The following VWA8 variants were observed in gnomAD, a reference collection of about 807,000 sequenced individuals.
The protein encoded by VWA8 is von Willebrand factor A domain containing 8.
Under a neutral mutation model 241.5 loss-of-function variants are expected in VWA8, and 221 were observed. The observed-to-expected ratio is 0.91, with a 90% CI of 0.82 to 1.02. VWA8 has a LOEUF of 1.02. Ranked by LOEUF, VWA8 falls within the 50% of genes least tolerant of loss-of-function variation. The pLI, the probability that VWA8 is intolerant of heterozygous loss-of-function variation, is 0.00. For synonymous variants in VWA8, 852 were observed against 827.1 expected, an observed-to-expected ratio of 1.03 and a Z score of -0.52; for missense variants, 2,322 against 2,328.7, an observed-to-expected ratio of 1.00 and a Z score of 0.06.
intron 42 of VWA8, among the ~76,000 whole-genome samples, chr13:41,579,893 CT>C (rs2044371562): frequency 6.6e-6 from 1 of 152,094 alleles, no homozygotes; most frequent in Admixed American, 6.5e-5. Flanking sequence ...ATTGGCCAGA[CT>C]GGAATGCACT....
chr13:41,618,131 C>T (rs1466285151), intron 37 of VWA8, among the ~76,000 whole-genome samples: 3 of 152,198 alleles, frequency 2.0e-5, no homozygotes, highest in Non-Finnish European at 4.4e-5. Flanking sequence ...ACATCCTCTC[C>T]AGCACCTGTT....
intron 32 of VWA8, 87 bp from the exon 33 acceptor site, chr13:41,690,362 T>C (rs2137816372): frequency 9.1e-7 from 1 of 1,095,314 alleles, no homozygotes; most frequent in Middle Eastern, 2.1e-4. Context: ...TAGATTCTCC[T>C]CAGTCTCTTT....
At chr13:41,906,263 T>C (rs376930414) in intron 4 of VWA8, among the ~76,000 whole-genome samples, 6 of 152,154 alleles carry the variant, frequency 3.9e-5, no homozygotes, top group African/African-American at 1.4e-4. Flanking sequence ...AGTGTGCCCA[T>C]GCTAAAGTTT....
chr13:41,605,387 C>G (rs1286350675), intron 39 of VWA8, 111 bp from the exon 40 acceptor site: 5 of 1,014,002 alleles, frequency 4.9e-6, no homozygotes, highest in Non-Finnish European at 7.4e-6. Flanking sequence ...AACTCAGATT[C>G]ATGTTGAGGA....
At chr13:41,593,488 A>G (rs2044468935) in intron 40 of VWA8, among the ~76,000 whole-genome samples, 1 of 152,162 alleles carries the variant, frequency 6.6e-6, no homozygotes, top group African/African-American at 2.4e-5. Context: ...ATCTCTTCCT[A>G]CTGATCTATC....
chr13:41,937,100 G>T (rs2138147440), intron 2 of VWA8, among the ~76,000 whole-genome samples: 1 of 152,256 alleles, frequency 6.6e-6, no homozygotes, highest in East Asian at 1.9e-4. Flanking sequence ...GTATAGGTTT[G>T]TACCCTAGGA....
At chr13:41,872,915 A>G (rs1274046869) in intron 9 of VWA8, among the ~76,000 whole-genome samples, 4 of 151,904 alleles carry the variant, frequency 2.6e-5, no homozygotes, top group East Asian at 1.9e-4. Context: ...CCATTTTCAC[A>G]ATATTGATTC....
chr13:41,880,995 T>C (rs967013265), intron 9 of VWA8, among the ~76,000 whole-genome samples: 1 of 152,330 alleles, frequency 6.6e-6, no homozygotes, highest in Admixed American at 6.5e-5. Flanking sequence ...TTTCTATTTA[T>C]GTAATTCCTT....
At chr13:41,852,213 C>A (rs957734892) in intron 12 of VWA8, among the ~76,000 whole-genome samples, 2 of 152,140 alleles carry the variant, frequency 1.3e-5, no homozygotes, top group Non-Finnish European at 2.9e-5. Context: ...TACCTGTTGG[C>A]CATTTGTATG....
chr13:41,725,179 T>C (rs926128040), intron 24 of VWA8, among the ~76,000 whole-genome samples: 4 of 148,798 alleles, frequency 2.7e-5, no homozygotes, highest in African/African-American at 9.8e-5. Context: ...TGAAAGATCA[T>C]GGAATTGAAG....
intron 20 of VWA8, among the ~76,000 whole-genome samples, chr13:41,766,251 T>C (rs1379015467): frequency 6.6e-6 from 1 of 152,104 alleles, no homozygotes; most frequent in African/African-American, 2.4e-5. Flanking sequence ...CAAAAGGACT[T>C]TGGGGCTTTT....
chr13:41,784,727 T>TATATATATATATATATACAC (rs1555335045), intron 18 of VWA8, among the ~76,000 whole-genome samples: 1 of 69,012 alleles, frequency 1.4e-5, no homozygotes, highest in Admixed American at 1.8e-4. Flanking sequence ...TATATATATA[T>TATATATATATATATATACAC]ATACACACAC....
intron 37 of VWA8, among the ~76,000 whole-genome samples, chr13:41,656,988 T>C (rs2044910799): frequency 6.6e-6 from 1 of 152,186 alleles, no homozygotes; most frequent in African/African-American, 2.4e-5. Context: ...TTCCAAACTC[T>C]AGGGGTGGAG....
At chr13:41,642,654 C>T (rs577578472) in intron 37 of VWA8, among the ~76,000 whole-genome samples, 3 of 151,498 alleles carry the variant, frequency 2.0e-5, no homozygotes, top group Admixed American at 6.6e-5. Flanking sequence ...TTTGACCAGG[C>T]GTGGTGGCTC....
intron 19 of VWA8, among the ~76,000 whole-genome samples, chr13:41,781,935 C>CCT (rs1868904836): frequency 6.6e-6 from 1 of 152,148 alleles, no homozygotes; most frequent in Non-Finnish European, 1.5e-5. Context: ...CACAACAGGG[C>CCT]ATAGGACAAC....
At chr13:41,749,650 A>G (rs1284927706) in intron 21 of VWA8, among the ~76,000 whole-genome samples, 2 of 152,310 alleles carry the variant, frequency 1.3e-5, no homozygotes, top group East Asian at 3.9e-4. Context: ...TGTGGCACAT[A>G]TACACCATGG....
chr13:41,788,449 G>T (rs748085519), intron 17 of VWA8, among the ~76,000 whole-genome samples: 1 of 152,134 alleles, frequency 6.6e-6, no homozygotes, highest in Non-Finnish European at 1.5e-5. Flanking sequence ...TCCTGTCCCT[G>T]TAAAATTCCA....
intron 12 of VWA8, 46 bp downstream of exon 12, chr13:41,865,690 G>T: frequency 6.2e-7 from 1 of 1,601,842 alleles, no homozygotes; most frequent in Non-Finnish European, 8.5e-7. Flanking sequence ...GATGGCCTAA[G>T]CATATATGCT....
intron 21 of VWA8, among the ~76,000 whole-genome samples, chr13:41,736,283 G>T (rs748097620): frequency 3.3e-5 from 5 of 152,124 alleles, no homozygotes; most frequent in Non-Finnish European, 5.9e-5. Context: ...TGTCAATAAA[G>T]GCGCTGCTCA....
Sources: gnomAD v4.1 joint callset for allele counts (sites outside exome capture counted in the v4.1 genomes callset) on GRCh38, gnomAD v4.1.1 for gene constraint, MANE v1.5 for transcripts, NCBI Gene and HGNC (gene_info 2026-07-23, HGNC 2026-07-21) for gene names.